The following SCUBE2 variants were observed in gnomAD, a reference collection of about 807,000 sequenced individuals.
The protein encoded by SCUBE2 is signal peptide, CUB domain and EGF like domain containing 2, also known as signal peptide, CUB and EGF-like domain-containing protein 2.
A neutral mutation model predicts 125.9 loss-of-function variants in SCUBE2; 114 were observed. That is an observed-to-expected ratio of 0.91 (90% CI 0.78 to 1.06). SCUBE2 has a LOEUF of 1.06. SCUBE2 is among the 50% of genes least tolerant of loss of function. SCUBE2 has a pLI of 0.00. For missense variants in SCUBE2, 1,255 were observed against 1,301.8 expected, an observed-to-expected ratio of 0.96 and a Z score of 0.55; for synonymous variants, 459 against 492.9, an observed-to-expected ratio of 0.93 and a Z score of 0.91.
intron 18 of SCUBE2, chr11:9,030,303 A>G (rs1166547145): frequency 3.9e-6 from 2 of 517,618 alleles, no homozygotes; most frequent in Non-Finnish European, 6.9e-6. Context: ...TCAGGCATCA[A>G]TGATCACAAC....
intron 14 of SCUBE2, among the ~76,000 whole-genome samples, chr11:9,049,259 T>A (rs1858107501): frequency 6.6e-6 from 1 of 152,212 alleles, no homozygotes; most frequent in Non-Finnish European, 1.5e-5. Context: ...ATTTCATTTT[T>A]TTGAGACAGG....
At chr11:9,030,681 CTG>C in intron 18 of SCUBE2, 75 bp downstream of exon 18, 1 of 1,454,378 alleles carries the variant, frequency 6.9e-7, no homozygotes. Flanking sequence ...CTGGGCTTGA[CTG>C]GAGCCTCACG....
intron 16 of SCUBE2, among the ~76,000 whole-genome samples, chr11:9,046,202 G>A (rs1857740459): frequency 6.6e-6 from 1 of 151,634 alleles, no homozygotes; most frequent in African/African-American, 2.4e-5. Flanking sequence ...TAGAGGCGGG[G>A]TTTCACCATG....
intron 19 of SCUBE2, 145 bp from the exon 20 acceptor site, chr11:9,027,706 C>T (rs1364443151): frequency 2.9e-6 from 2 of 683,946 alleles, no homozygotes; most frequent in Non-Finnish European, 4.9e-6. Context: ...GTCTGTCCTT[C>T]CCAGAGGGCC....
At chr11:9,079,280 C>A in intron 3 of SCUBE2, 104 bp downstream of exon 3, 1 of 1,350,052 alleles carries the variant, frequency 7.4e-7, no homozygotes, top group Non-Finnish European at 1.0e-6. Context: ...GCAGAAAACA[C>A]AAGGCTCTGA....
intron 2 of SCUBE2, 150 bp from the exon 3 acceptor site, chr11:9,079,659 G>A: frequency 1.3e-6 from 1 of 749,326 alleles, no homozygotes; most frequent in Non-Finnish European, 2.1e-6. Context: ...GTTATTCACT[G>A]CAGTGTTGTT....
chr11:9,055,982 T>C (rs879347030), intron 9 of SCUBE2, 73 bp from the exon 10 acceptor site: 61 of 1,168,654 alleles, frequency 5.2e-5, no homozygotes, highest in East Asian at 3.8e-4. Flanking sequence ...TTATGATAAA[T>C]ACCAGTTGCT....
At chr11:9,023,471 A>G (rs1855477395) in intron 21 of SCUBE2, among the ~76,000 whole-genome samples, 1 of 152,212 alleles carries the variant, frequency 6.6e-6, no homozygotes, top group Non-Finnish European at 1.5e-5. Flanking sequence ...CTTACCATTA[A>G]GAATGTCGGT....
rs761218611 is a variant in SCUBE2 at position 9,033,666 on chromosome 11, G to C, written c.2133C>G (p.Ala711=). The change falls in exon 17 of 23, where the codon GCC becomes GCG. Residue 711 remains alanine, a synonymous_variant. Transcript: ENST00000649792. ...EPCPRPGNSG[A]LKTPEAWNMS... ...TATTCCAAGCTTCTGGGGTCTTCAG[G>C]GCCCCAGAATTTCCTGGTCTTGGGC... The C allele has an allele frequency of 1.9e-6, 3 of 1,613,976 alleles. No homozygotes were observed. The South Asian group carries it at 3.3e-5, about 18-fold the overall frequency.
chr11:9,044,483 C>T (rs1306502349), intron 16 of SCUBE2, among the ~76,000 whole-genome samples: 2 of 152,148 alleles, frequency 1.3e-5, no homozygotes, highest in Non-Finnish European at 1.5e-5. Context: ...CCTCCCACCT[C>T]GGCCTCCCAA....
chr11:9,027,224 CAACTCTATA>C, intron 20 of SCUBE2, 131 bp downstream of exon 20: 1 of 788,846 alleles, frequency 1.3e-6, no homozygotes, highest in Non-Finnish European at 2.0e-6. Context: ...TGTTTCTCAC[CAACTCTATA>C]AACTCATGTT....
At chr11:9,061,260 G>C (rs1004533583) in intron 7 of SCUBE2, among the ~76,000 whole-genome samples, 1 of 152,078 alleles carries the variant, frequency 6.6e-6, no homozygotes, top group Non-Finnish European at 1.5e-5. Flanking sequence ...TTTAAAGGCT[G>C]GGGGTGGGGG....
At chr11:9,074,433 A>G (rs2135827362) in intron 4 of SCUBE2, 48 bp downstream of exon 4, 1 of 1,606,536 alleles carries the variant, frequency 6.2e-7, no homozygotes, top group African/African-American at 1.3e-5. Flanking sequence ...TGCAAGGGAG[A>G]GGGTCTCAGA....
rs150836229 is a variant in SCUBE2 at position 9,022,251 on chromosome 11, A to T, written c.2855-296T>A. ...ATGCCAGGTCCATCTTCTCTCCCCA[A>T]ATCAAAAGCATTGTTCTAGTAATTC... On this transcript the variant is annotated intron_variant, in intron 21 of 22. Coordinates refer to ENST00000649792, the MANE Select transcript of SCUBE2 (RefSeq NM_001367977.2). Among the ~76,000 whole-genome samples the T allele has an allele frequency of 2.0e-3, 299 of 152,080 alleles. 1 individual carries two copies. Among genetic ancestry groups the T allele is most frequent in the African/African-American group, 6.4e-3 (266 of 41,494 alleles).
intron 16 of SCUBE2, among the ~76,000 whole-genome samples, chr11:9,046,979 A>C (rs773913278): frequency 3.2e-5 from 4 of 126,374 alleles, no homozygotes; most frequent in Non-Finnish European, 5.3e-5. Flanking sequence ...GGAAAAGGAC[A>C]TCAGTTTATC....
intron 3 of SCUBE2, among the ~76,000 whole-genome samples, chr11:9,076,883 G>T (rs768865232): frequency 3.9e-5 from 6 of 152,120 alleles, no homozygotes; most frequent in Non-Finnish European, 8.8e-5. Context: ...AGGATGAGCC[G>T]TGCTGGAACA....
At chr11:9,059,527 AG>A in intron 8 of SCUBE2, 102 bp from the exon 9 acceptor site, 2 of 1,369,214 alleles carry the variant, frequency 1.5e-6, no homozygotes, top group Non-Finnish European at 2.0e-6. Context: ...TCTGAAATTA[AG>A]AAAAAGACTC....
At chr11:9,042,585 G>T (rs1051176037) in intron 16 of SCUBE2, among the ~76,000 whole-genome samples, 2 of 151,998 alleles carry the variant, frequency 1.3e-5, no homozygotes, top group Admixed American at 6.6e-5. Context: ...GCTCTCTCAA[G>T]AGCCTATTTT....
intron 4 of SCUBE2, among the ~76,000 whole-genome samples, chr11:9,070,308 G>C (rs143126780): frequency 6.6e-6 from 1 of 152,080 alleles, no homozygotes; most frequent in Non-Finnish European, 1.5e-5. Context: ...TGCAGGGCTC[G>C]GCACACATCT....
Sources: gnomAD v4.1 joint callset for allele counts (sites outside exome capture counted in the v4.1 genomes callset) on GRCh38, gnomAD v4.1.1 for gene constraint, MANE v1.5 for transcripts, NCBI Gene and HGNC (gene_info 2026-07-23, HGNC 2026-07-21) for gene names.